The following STAG1 variants were observed in gnomAD, a reference collection of about 807,000 sequenced individuals.
STAG1 encodes STAG1 cohesin complex component.
STAG1 carries 26 observed loss-of-function variants against 170.9 expected under a neutral mutation model. That is an observed-to-expected ratio of 0.15 (90% confidence interval 0.11 to 0.21). The LOEUF (loss-of-function observed/expected upper bound fraction) is 0.21. Ranked by LOEUF, STAG1 falls within the 10% of genes least tolerant of loss-of-function variation. STAG1 has a pLI of 1.00. For synonymous variants in STAG1, 514 were observed against 497.7 expected (o/e 1.03, Z -0.44); for missense variants, 964 against 1,509.5 (o/e 0.64, Z 5.99).
intron 1 of STAG1, among the ~76,000 whole-genome samples, chr3:136,701,015 G>A (rs1478163609): frequency 6.6e-6 from 1 of 150,590 alleles, no homozygotes; most frequent in Non-Finnish European, 1.5e-5. Context: ...CCGAGTAGCT[G>A]GAACAACGGG....
Position 136,501,765 on chromosome 3 carries a change from T to TACG in STAG1, c.828+862_828+863insCGT, listed in dbSNP as rs1257391860. On this transcript the variant is annotated intron_variant, in intron 8 of 33. Coordinates refer to ENST00000383202, the MANE Select transcript of STAG1 (RefSeq NM_005862.3). Reference sequence around the variant, plus strand: ...TCTTGCCTATTATAAACCCATTAAGTTATTATTCATACGTAATTCCTTTGC... The same window carrying TACG: ...TCTTGCCTATTATAAACCCATTAAGTACGTATTATTCATACGTAATTCCTTTGC... Among the ~76,000 whole-genome samples the TACG allele has an allele frequency of 4.6e-5, 7 of 152,334 alleles. No individual in the cohort carries two copies. In the South Asian group the frequency reaches 1.2e-3, roughly 27 times the overall value.
intron 13 of STAG1, among the ~76,000 whole-genome samples, chr3:136,457,585 T>A (rs2089153601): frequency 6.6e-6 from 1 of 152,086 alleles, no homozygotes; most frequent in Admixed American, 6.5e-5. Context: ...ATTCTTAACT[T>A]GTCTTTTCTC....
intron 1 of STAG1, among the ~76,000 whole-genome samples, chr3:136,633,962 T>TTAAAAAAAAAAAAAAAA (rs1212800689): frequency 2.0e-5 from 1 of 50,354 alleles, no homozygotes; most frequent in African/African-American, 5.1e-5. Flanking sequence ...TGTCTCTACT[T>TTAAAAAAAAAAAAAAAA]AAAAAAAAAA....
intron 13 of STAG1, among the ~76,000 whole-genome samples, chr3:136,464,194 C>A (rs1023052249): frequency 1.7e-4 from 25 of 151,496 alleles, no homozygotes; most frequent in Non-Finnish European, 3.2e-4. Context: ...GAGGCTGAGG[C>A]GGGCGGATTA....
At position 136,418,360 on chromosome 3, in the gene STAG1, C is replaced by CAAAA. The variant is rs767401141; in HGVS notation, c.2109-392_2109-389dup. Among the ~76,000 whole-genome samples, 272 of 49,748 alleles carry CAAAA rather than the reference C, an allele frequency of 5.5e-3. 17 individuals carry two copies. Among genetic ancestry groups the CAAAA allele is most frequent in the African/African-American group, 6.7e-3 (62 of 9,266 alleles). The allele number at this position is 49,748 out of a possible 152,430, so 32.6% of individuals were successfully genotyped here. A position where few individuals can be genotyped will look rare whatever the true frequency, so the allele number is the denominator to read the frequency against. On this transcript the variant is annotated intron_variant, in intron 20 of 33. Coordinates refer to ENST00000383202, the MANE Select transcript of STAG1 (RefSeq NM_005862.3). ...GGGTAACTGAGCAAGACTCTGTCTCCAAAAAAAAAAAAAAAAAAAAAAAAA... is the reference window on the plus strand; with the variant it reads ...GGGTAACTGAGCAAGACTCTGTCTCCAAAAAAAAAAAAAAAAAAAAAAAAAAAAA...
chr3:136,463,602 G>C lies in STAG1; in HGVS notation c.1313+1279C>G, dbSNP rs558801263. ...TTTTAAATATGAATTAATCAACTGG[G>C]TACAGTGGCTCATGCCTGTAATCCC... On this transcript the variant is annotated intron_variant, in intron 13 of 33. Coordinates refer to ENST00000383202, the MANE Select transcript of STAG1 (RefSeq NM_005862.3). Among the ~76,000 whole-genome samples the C allele has an allele frequency of 1.1e-4, 16 of 151,382 alleles. No homozygotes were observed. The South Asian group carries it at 3.3e-3, about 32-fold the overall frequency.
At chr3:136,574,199 C>T (rs1040718656) in intron 4 of STAG1, among the ~76,000 whole-genome samples, 6 of 151,976 alleles carry the variant, frequency 3.9e-5, no homozygotes, top group Non-Finnish European at 8.8e-5. Flanking sequence ...CGAGATGGTG[C>T]CGCTGCACTC....
At chr3:136,496,434 C>T (rs371514831) in intron 9 of STAG1, among the ~76,000 whole-genome samples, 2 of 152,180 alleles carry the variant, frequency 1.3e-5, no homozygotes, top group South Asian at 4.2e-4. Context: ...TAGAAGCATT[C>T]AAATCATACA....
At chr3:136,449,327 G>A (rs1221585042) in intron 14 of STAG1, among the ~76,000 whole-genome samples, 1 of 152,130 alleles carries the variant, frequency 6.6e-6, no homozygotes, top group Admixed American at 6.6e-5. Flanking sequence ...TTGGAAGGCC[G>A]AGGCAGGTGG....
chr3:136,609,206 T>TTCGCTTGAGTTCAAGCTCCTG (rs1939129815), intron 3 of STAG1: 1 of 152,784 alleles, frequency 6.5e-6, no homozygotes, highest in African/African-American at 2.4e-5. Context: ...CCAGGTACAG[T>TTCGCTTGAGTTCAAGCTCCTG]GGCTCACACC....
At chr3:136,526,873 A>G (rs1159375365) in intron 6 of STAG1, among the ~76,000 whole-genome samples, 1 of 152,216 alleles carries the variant, frequency 6.6e-6, no homozygotes, top group African/African-American at 2.4e-5. Context: ...GCTGGATATG[A>G]AATTCTGGGT....
chr3:136,668,524 A>G (rs1369428159), intron 1 of STAG1, among the ~76,000 whole-genome samples: 1 of 151,594 alleles, frequency 6.6e-6, no homozygotes, highest in Non-Finnish European at 1.5e-5. Flanking sequence ...AGAAATGCCT[A>G]CGAAGAATGA....
chr3:136,486,967 C>A (rs1427601019), intron 9 of STAG1, among the ~76,000 whole-genome samples: 6 of 123,506 alleles, frequency 4.9e-5, no homozygotes, highest in African/African-American at 2.0e-4. Flanking sequence ...CACAGGTTCT[C>A]TGTATGCAAT....
chr3:136,653,286 A>G (rs898527128), intron 1 of STAG1, among the ~76,000 whole-genome samples: 1 of 151,928 alleles, frequency 6.6e-6, no homozygotes, highest in African/African-American at 2.4e-5. Flanking sequence ...AAAAAAAAAG[A>G]AAAGCAAAGA....
At chr3:136,665,099 C>T (rs775048279) in intron 1 of STAG1, among the ~76,000 whole-genome samples, 10 of 152,184 alleles carry the variant, frequency 6.6e-5, no homozygotes, top group Non-Finnish European at 1.2e-4. Flanking sequence ...ACTGTCCCAA[C>T]ACTTATTTTG....
At chr3:136,624,351 C>T (rs1374679033) in intron 2 of STAG1, among the ~76,000 whole-genome samples, 5 of 152,210 alleles carry the variant, frequency 3.3e-5, no homozygotes, top group African/African-American at 2.4e-5. Context: ...CCACCTGCCT[C>T]GGCCTCCCAA....
At chr3:136,394,661 C>T (rs1436007427) in intron 22 of STAG1, among the ~76,000 whole-genome samples, 2 of 151,880 alleles carry the variant, frequency 1.3e-5, no homozygotes, top group Non-Finnish European at 1.5e-5. Context: ...GTGGCTCACA[C>T]CTGTAATCCC....
intron 6 of STAG1, among the ~76,000 whole-genome samples, chr3:136,540,961 G>A (rs548424779): frequency 6.8e-6 from 1 of 147,170 alleles, no homozygotes; most frequent in Non-Finnish European, 1.5e-5. Context: ...CTTTATTTCT[G>A]TTTTTATCTC....
intron 2 of STAG1, among the ~76,000 whole-genome samples, chr3:136,624,682 A>G (rs1211388941): frequency 2.0e-5 from 3 of 152,168 alleles, no homozygotes; most frequent in African/African-American, 7.2e-5. Flanking sequence ...CAATTTCTCT[A>G]TCACTTTCTT....
Sources: allele counts gnomAD v4.1 joint callset (sites outside exome capture counted in the v4.1 genomes callset), GRCh38; gene constraint gnomAD v4.1.1; transcripts MANE v1.5; gene names NCBI Gene and HGNC (gene_info 2026-07-23, HGNC 2026-07-21).